Variants in FUCA1 observed in about 807,000 individuals in gnomAD.
FUCA1 encodes the protein tissue alpha-L-fucosidase.
In FUCA1, 52 loss-of-function variants were observed where a neutral mutation model predicts 56.8. The ratio of observed to expected loss-of-function variants is 0.92; its 90% CI spans 0.73 to 1.15. FUCA1 has a LOEUF of 1.15. Among genes scored for constraint, FUCA1 ranks in the 50% most tolerant of loss-of-function variants. FUCA1 has a pLI of 0.00. For synonymous variants in FUCA1, 230 were observed against 226.6 expected, an observed-to-expected ratio of 1.02 and a Z score of -0.14; for missense variants, 568 against 592.6, an observed-to-expected ratio of 0.96 and a Z score of 0.43.
chr1:23,851,376 A>AT (rs747332541), intron 5 of FUCA1, among the ~76,000 whole-genome samples: 3,397 of 94,096 alleles, frequency 0.036, 43 homozygotes, highest in East Asian at 0.06. Flanking sequence ...ATAAATAAAT[A>AT]AATATACACA....
chr1:23,854,549 T>C lies in FUCA1; in HGVS notation c.780A>G (p.Val260=). The part of the protein sequence containing the change: ...YNDSPVKDEV[V]VNDRWGQNCS... ...AGTTCTGACCCCATCGGTCATTTAC[T>C]ACCACCTCATCCTAAGGAGGGAAAG... The change falls in exon 5 of 8, where the codon GTA becomes GTG. Residue 260 remains valine (V), a synonymous_variant. Coordinates refer to ENST00000374479, the MANE Select transcript of FUCA1 (RefSeq NM_000147.5). 2 of 1,613,034 alleles carry C rather than the reference T, an allele frequency of 1.2e-6. No individual in the cohort carries two copies. The highest frequency in any genetic ancestry group is 1.7e-6 in the Non-Finnish European group (2 of 1,178,960).
rs750761317 is a variant in FUCA1 at position 23,845,769 on chromosome 1, G to T, written c.1347C>A (p.Pro449=). 59 of 1,614,080 alleles carry T rather than the reference G, an allele frequency of 3.7e-5. No homozygotes were observed. In the Admixed American group the frequency reaches 9.8e-4, roughly 27 times the overall value. ...AAGCAAACTCTGCGGGGACAGCAGA[G>T]GGTGGCAACTGGGGTAGAGAGATGA... ...GLFISLPQLP[P]SAVPAEFAWT... The change falls in exon 8 of 8, where the codon CCC becomes CCA. Residue 449 remains proline (P), a synonymous_variant. Coordinates refer to ENST00000374479, the MANE Select transcript of FUCA1 (RefSeq NM_000147.5).
intron 4 of FUCA1, among the ~76,000 whole-genome samples, chr1:23,856,762 C>A (rs1639399089): frequency 6.6e-6 from 1 of 152,044 alleles, no homozygotes; most frequent in South Asian, 2.1e-4. Flanking sequence ...GAGGCTGAGG[C>A]GGGTGGATCA....
intron 3 of FUCA1, among the ~76,000 whole-genome samples, chr1:23,860,379 C>T (rs922281042): frequency 7.9e-5 from 12 of 151,796 alleles, no homozygotes; most frequent in South Asian, 2.1e-4. Context: ...GTCAGGAGAT[C>T]GAGACCATCC....
chr1:23,853,183 T>C (rs1639306574), intron 5 of FUCA1, among the ~76,000 whole-genome samples: 1 of 144,392 alleles, frequency 6.9e-6, no homozygotes, highest in Non-Finnish European at 1.5e-5. Context: ...GTCTGGGAGG[T>C]GAGGAGCGTC....
intron 7 of FUCA1, 41 bp downstream of exon 7, chr1:23,846,033 T>C (rs1486291803): frequency 1.3e-6 from 2 of 1,551,562 alleles, no homozygotes; most frequent in Non-Finnish European, 1.8e-6. Context: ...GCCAATTCCT[T>C]TACAGAAAGT....
At chr1:23,859,457 T>C (rs1228054640) in intron 4 of FUCA1, among the ~76,000 whole-genome samples, 3 of 151,560 alleles carry the variant, frequency 2.0e-5, no homozygotes, top group East Asian at 3.9e-4. Flanking sequence ...TCTCAGCTAC[T>C]CGGAAGGCTG....
chr1:23,853,942 C>T (rs1248614900), intron 5 of FUCA1, among the ~76,000 whole-genome samples: 1 of 150,178 alleles, frequency 6.7e-6, no homozygotes, highest in Non-Finnish European at 1.5e-5. Flanking sequence ...GCCGCAGGGT[C>T]CTCTGCATAG....
intron 5 of FUCA1, among the ~76,000 whole-genome samples, chr1:23,851,049 C>A (rs866193268): frequency 6.6e-6 from 1 of 151,968 alleles, no homozygotes; most frequent in Non-Finnish European, 1.5e-5. Flanking sequence ...AAAGTGTTGG[C>A]ATTACAGGTA....
In FUCA1 at chr1:23,849,131, C is replaced by T. The variant is rs112263690; in HGVS notation, c.970-292G>A. 3.9e-5 allele frequency among the ~76,000 whole-genome samples: 6 copies of T among 152,088 alleles called. No individual in the cohort carries two copies. The South Asian group carries it at 8.3e-4, about 21-fold the overall frequency. ...CTGAGTAGCTGGAATTACAGGCATG[C>T]GCCACCACATCCAGCTAATATCATT... On this transcript the variant is annotated intron_variant, in intron 5 of 7. Coordinates refer to ENST00000374479, the MANE Select transcript of FUCA1 (RefSeq NM_000147.5).
chr1:23,852,044 A>C (rs1639270173), intron 5 of FUCA1, among the ~76,000 whole-genome samples: 1 of 150,166 alleles, frequency 6.7e-6, no homozygotes, highest in South Asian at 2.1e-4. Flanking sequence ...AGAGGAAAAA[A>C]ATAATTAAAA....
At chr1:23,852,818 G>A (rs1343566197) in intron 5 of FUCA1, among the ~76,000 whole-genome samples, 2 of 151,986 alleles carry the variant, frequency 1.3e-5, no homozygotes, top group Non-Finnish European at 2.9e-5. Flanking sequence ...CGTGATCTCC[G>A]CTCGCTACAA....
chr1:23,859,769 G>A, intron 4 of FUCA1, 29 bp downstream of exon 4: 1 of 1,404,048 alleles, frequency 7.1e-7, no homozygotes, highest in African/African-American at 1.4e-5. Flanking sequence ...CTTCATAGGA[G>A]ATAAATAAGA....
chr1:23,845,929 G>T lies in FUCA1; in HGVS notation c.1261-74C>A, dbSNP rs550138743. ...TATAGAATACAGGCTGACTATGGTAGGAAACAGCCACGCTGGGCCAGGGCA... is the reference window on the plus strand; with the variant it reads ...TATAGAATACAGGCTGACTATGGTATGAAACAGCCACGCTGGGCCAGGGCA... On this transcript the variant is annotated intron_variant, in intron 7 of 7. Transcript: ENST00000374479. The T allele has an allele frequency of 6.0e-5, 95 of 1,588,782 alleles. No homozygotes were observed. In the Admixed American group the frequency reaches 1.6e-3, roughly 27 times the overall value.
In FUCA1 at chr1:23,845,843, C is replaced by T. The variant is rs373999438; in HGVS notation, c.1273G>A (p.Gly425Arg). The stretch of plus-strand genomic sequence containing the variant: ...GACCACTTCAGATCTCCTTGAATTC[C>T]CAGCATTGTTATCTGCAGAAAACAA... ...TTSTTKITML[G>R]IQGDLKWSTD... Residue 425 changes from glycine (G) to arginine (R), a missense_variant, in exon 8 of 8, where the codon GGA becomes AGA. Gly to Arg is a moderately radical substitution (Grantham distance 125). Transcript: ENST00000374479. 7 of 1,613,962 alleles carry T rather than the reference C, an allele frequency of 4.3e-6. No homozygotes were observed. In the African/African-American group the frequency reaches 6.7e-5, roughly 15 times the overall value.
chr1:23,851,628 T>C (rs558957422), intron 5 of FUCA1, among the ~76,000 whole-genome samples: 5 of 152,202 alleles, frequency 3.3e-5, no homozygotes, highest in South Asian at 4.1e-4. Context: ...TGCAGGGACA[T>C]GGATGAAGCT....
Position 23,848,680 on chromosome 1 carries a change from C to T in FUCA1, c.1129G>A (p.Val377Met), listed in dbSNP as rs771749620. 5 of 1,614,022 alleles carry T rather than the reference C, an allele frequency of 3.1e-6. No individual in the cohort carries two copies. The highest frequency in any genetic ancestry group is 4.2e-6 in the Non-Finnish European group (5 of 1,180,014). The change falls in exon 6 of 8, where the codon GTG (valine) becomes ATG (methionine). Residue 377 changes from valine to methionine, a missense_variant. Val to Met is a conservative substitution (Grantham distance 21). Transcript: ENST00000374479. Reference protein sequence around the residue: ...EAIYASKPWRVQWEKNTTSVW... With the variant: ...EAIYASKPWRMQWEKNTTSVW... ...GATGTTGTGTTCTTTTCCCATTGCACCCGCCATGGTTTGGAGGCATAGATA... is the reference window on the plus strand; with the variant it reads ...GATGTTGTGTTCTTTTCCCATTGCATCCGCCATGGTTTGGAGGCATAGATA...
rs377693792 is a variant in FUCA1, at chr1:23,854,312, A to T, written c.969+48T>A. 5.0e-5 allele frequency: 70 copies of T among 1,398,300 alleles called. No homozygotes were observed. In the African/African-American group the frequency reaches 8.2e-4, roughly 16 times the overall value. The allele number at this position is 1,398,300 out of a possible 1,614,324, so 86.6% of individuals were successfully genotyped here. A position where few individuals can be genotyped will look rare whatever the true frequency, so the allele number is the denominator to read the frequency against. ...CATTATATAAAATAAATCATACTGC[A>T]TGTTAAAAAAAAAAAAACAAAAACA... On this transcript the variant is annotated intron_variant, in intron 5 of 7. Transcript: ENST00000374479.
Position 23,852,562 on chromosome 1 carries a change from C to T in FUCA1, c.969+1798G>A, listed in dbSNP as rs1639285415. Among the ~76,000 whole-genome samples the T allele has an allele frequency of 2.0e-5, 3 of 152,252 alleles. 1 individual carries two copies. In the South Asian group the frequency reaches 6.2e-4, roughly 32 times the overall value. ...ACTGTACTGCTGCCACCTCGGGTCA[C>T]TGCAGCCTCCCTGCCTGATTCTCCT... On this transcript the variant is annotated intron_variant, in intron 5 of 7. Transcript: ENST00000374479.
Sources: gnomAD v4.1 joint callset for allele counts (sites outside exome capture counted in the v4.1 genomes callset) on GRCh38, gnomAD v4.1.1 for gene constraint, MANE v1.5 for transcripts, NCBI Gene and HGNC (gene_info 2026-07-23, HGNC 2026-07-21) for gene names.